TRAPPC8: variants seen among roughly 807,000 people sequenced by gnomAD.
TRAPPC8 encodes the protein trafficking protein particle complex subunit 8.
In TRAPPC8, 54 loss-of-function variants were observed where a neutral mutation model predicts 174.3. The ratio of observed to expected loss-of-function variants is 0.31; its 90% CI spans 0.25 to 0.39. TRAPPC8 has a LOEUF of 0.39. Among genes scored for constraint, TRAPPC8 ranks in the 10% least tolerant of loss-of-function variants. The probability of loss-of-function intolerance (pLI) is 1.00; values close to 1 mark genes in which losing one functional copy is unlikely to be tolerated. For missense variants in TRAPPC8, 1,531 were observed against 1,699.1 expected (o/e 0.90, Z 1.74); for synonymous variants, 630 against 579.9 (o/e 1.09, Z -1.24).
intron 2 of TRAPPC8, among the ~76,000 whole-genome samples, chr18:31,930,958 C>G (rs977803655): frequency 1.3e-5 from 2 of 152,072 alleles, no homozygotes; most frequent in Non-Finnish European, 2.9e-5. Context: ...AAGTTAAAGA[C>G]GTACTCACAA....
intron 26 of TRAPPC8, among the ~76,000 whole-genome samples, chr18:31,844,204 A>G (rs2033262237): frequency 2.0e-5 from 3 of 152,216 alleles, no homozygotes. Context: ...TATACCAAAC[A>G]ATATGGATAA....
chr18:31,871,270 T>C (rs1333448563), intron 14 of TRAPPC8, 150 bp from the exon 15 acceptor site: 8 of 443,146 alleles, frequency 1.8e-5, no homozygotes. Flanking sequence ...TATCCTCTCA[T>C]TAATCCTAGC....
chr18:31,864,732 A>T lies in TRAPPC8; in HGVS notation c.2640T>A (p.Ile880=), dbSNP rs771817113. The T allele has an allele frequency of 3.1e-6, 5 of 1,612,544 alleles. No homozygotes were observed. Among genetic ancestry groups the T allele is most frequent in the Non-Finnish European group, 4.2e-6 (5 of 1,179,316 alleles). ...TTGTGTTGTTAAGTCGAGGACCTTG[A>T]ATTTCTAAATCCTGCTTCCCTCGGA... ...MSVRGKQDLE[I]QGPRLNNTKE... The change falls in exon 19 of 29, where the codon ATT becomes ATA. Residue 880 remains isoleucine (I), a synonymous_variant. Transcript: ENST00000283351.
Position 31,857,304 on chromosome 18 carries a change from T to C in TRAPPC8, c.3188+236A>G, listed in dbSNP as rs574719872. Among the ~76,000 whole-genome samples the C allele has an allele frequency of 3.3e-5, 5 of 152,294 alleles. No homozygotes were observed. In the South Asian group the frequency reaches 8.3e-4, roughly 25 times the overall value. Reference sequence around the variant, plus strand: ...ACAGTACTTAAATCGTATCAAACAATTGAGAAGTTTACAGACAGAAGCAAC... The same window carrying C: ...ACAGTACTTAAATCGTATCAAACAACTGAGAAGTTTACAGACAGAAGCAAC... On this transcript the variant is annotated intron_variant, in intron 20 of 28. Coordinates refer to ENST00000283351, the MANE Select transcript of TRAPPC8 (RefSeq NM_014939.5).
intron 10 of TRAPPC8, among the ~76,000 whole-genome samples, chr18:31,900,519 C>T (rs150473941): frequency 3.5e-4 from 54 of 152,336 alleles, no homozygotes; most frequent in African/African-American, 1.2e-3. Flanking sequence ...TGGGGACCAG[C>T]TCATAGTCTC....
At chr18:31,886,344 G>GAAAAAAAAA (rs1568092404) in intron 12 of TRAPPC8, among the ~76,000 whole-genome samples, 1 of 71,244 alleles carries the variant, frequency 1.4e-5, no homozygotes, top group Non-Finnish European at 2.7e-5. Context: ...TGTTTCTTGA[G>GAAAAAAAAA]GAAAAAAAAA....
intron 9 of TRAPPC8, 22 bp from the exon 10 acceptor site, chr18:31,901,047 A>G: frequency 6.4e-7 from 1 of 1,559,276 alleles, no homozygotes; most frequent in Non-Finnish European, 8.6e-7. Flanking sequence ...GACATAGTTT[A>G]CATATTTCAA....
intron 12 of TRAPPC8, among the ~76,000 whole-genome samples, chr18:31,876,507 A>AAAAAAAAAAAAAAAAAAAAAAAC (rs2035159701): frequency 6.8e-6 from 1 of 147,556 alleles, no homozygotes; most frequent in Non-Finnish European, 1.5e-5. Context: ...AAAAAAAAAA[A>AAAAAAAAAAAAAAAAAAAAAAAC]AAAAAGATCA....
chr18:31,888,124 T>C (rs919129514), intron 12 of TRAPPC8, among the ~76,000 whole-genome samples: 1 of 152,078 alleles, frequency 6.6e-6, no homozygotes, highest in South Asian at 2.1e-4. Context: ...AAAGAAGACA[T>C]TTATGTAGCC....
At chr18:31,931,597 T>C in intron 1 of TRAPPC8, 74 bp from the exon 2 acceptor site, 1 of 1,166,580 alleles carries the variant, frequency 8.6e-7, no homozygotes, top group South Asian at 2.0e-5. Flanking sequence ...GGGCTGATGG[T>C]TTACAAACAA....
chr18:31,834,328 T>G (rs191998971), intron 27 of TRAPPC8, among the ~76,000 whole-genome samples: 1 of 152,106 alleles, frequency 6.6e-6, no homozygotes, highest in Non-Finnish European at 1.5e-5. Context: ...TAGGCTGGTC[T>G]TGAACTCCTG....
chr18:31,915,492 T>G lies in TRAPPC8; in HGVS notation c.617+780A>C, dbSNP rs1044488209. On this transcript the variant is annotated intron_variant, in intron 4 of 28. Coordinates refer to ENST00000283351, the MANE Select transcript of TRAPPC8 (RefSeq NM_014939.5). ...AAAGGGGGGGGGGGCGCAGGCGCAG[T>G]GGCTCCCGCCTGTCATCCCAGCACC... 1.4e-4 allele frequency among the ~76,000 whole-genome samples: 20 copies of G among 140,088 alleles called. 1 individual carries two copies. Among genetic ancestry groups the G allele is most frequent in the Middle Eastern group, 4.1e-3 (1 of 246 alleles). The allele number at this position is 140,088 out of a possible 152,430, so 91.9% of individuals were successfully genotyped here. A position where few individuals can be genotyped will look rare whatever the true frequency, so the allele number is the denominator to read the frequency against.
At chr18:31,843,784 G>A (rs1400200368) in intron 26 of TRAPPC8, among the ~76,000 whole-genome samples, 1 of 152,202 alleles carries the variant, frequency 6.6e-6, no homozygotes, top group East Asian at 1.9e-4. Context: ...GGGATAGACG[G>A]AACAATGTGA....
intron 22 of TRAPPC8, 111 bp from the exon 23 acceptor site, chr18:31,852,774 A>T (rs1044805371): frequency 1.2e-6 from 1 of 839,532 alleles, no homozygotes; most frequent in Non-Finnish European, 1.9e-6. Context: ...CGTAATTATA[A>T]ATAATGTTTA....
chr18:31,942,559 C>G (rs1265312737), intron 1 of TRAPPC8, 49 bp downstream of exon 1: 1 of 1,480,836 alleles, frequency 6.8e-7, no homozygotes, highest in Non-Finnish European at 9.0e-7. Flanking sequence ...TTCCTTCTCC[C>G]GACCACGGCT....
chr18:31,899,808 T>C (rs8084138), intron 10 of TRAPPC8, among the ~76,000 whole-genome samples: 9,892 of 151,964 alleles, frequency 0.065, 338 homozygotes, highest in Middle Eastern at 0.11. Flanking sequence ...TAGCTGGGCA[T>C]GGTGGCAGAT....
chr18:31,850,408 A>G (rs747182032), intron 24 of TRAPPC8, among the ~76,000 whole-genome samples: 1 of 152,212 alleles, frequency 6.6e-6, no homozygotes, highest in Non-Finnish European at 1.5e-5. Context: ...AATGACAGAA[A>G]TATTTCTCAT....
chr18:31,909,714 G>A lies in TRAPPC8; in HGVS notation c.818C>T (p.Ser273Phe). ...ATCCAATGAAAGCAAGTTATTATCA[G>A]AATTCTTATTTGAAGTTATAGTACA... ...GPCTITSNKNSDNNLLSLDGL... is the reference protein window; with the variant it reads ...GPCTITSNKNFDNNLLSLDGL... The change falls in exon 6 of 29, where the codon TCT becomes TTT. Residue 273 changes from serine to phenylalanine, a missense_variant. Ser to Phe is a radical substitution (Grantham distance 155). Transcript: ENST00000283351. 1.2e-6 allele frequency: 2 copies of A among 1,600,820 alleles called. No homozygotes were observed. The highest frequency in any genetic ancestry group is 1.7e-6 in the Non-Finnish European group (2 of 1,176,422).
intron 2 of TRAPPC8, among the ~76,000 whole-genome samples, chr18:31,920,372 T>C (rs2037329586): frequency 6.6e-6 from 1 of 152,196 alleles, no homozygotes; most frequent in South Asian, 2.1e-4. Flanking sequence ...AGAAAACTGA[T>C]GAACAACAGT....
Sources: gnomAD v4.1 joint callset for allele counts (sites outside exome capture counted in the v4.1 genomes callset) on GRCh38, gnomAD v4.1.1 for gene constraint, MANE v1.5 for transcripts, NCBI Gene and HGNC (gene_info 2026-07-23, HGNC 2026-07-21) for gene names.